Variants in SUPT3H observed in about 807,000 individuals in gnomAD.
The protein encoded by SUPT3H is transcription initiation protein SPT3 homolog.
In SUPT3H, 44 loss-of-function variants were observed where a neutral mutation model predicts 44.3. That is an observed-to-expected ratio of 0.99 (90% CI 0.78 to 1.28). The LOEUF is 1.28. Ranked by LOEUF, SUPT3H falls within the 50% of genes most tolerant of loss-of-function variation. The pLI is 0.00. For missense variants in SUPT3H, 380 were observed against 387.1 expected, an observed-to-expected ratio of 0.98 and a Z score of 0.15; for synonymous variants, 124 against 125.6, an observed-to-expected ratio of 0.99 and a Z score of 0.09.
chr6:45,327,709 T>C (rs1584929741), intron 2 of SUPT3H, among the ~76,000 whole-genome samples: 1 of 149,148 alleles, frequency 6.7e-6, no homozygotes, highest in African/African-American at 2.5e-5. Flanking sequence ...AGCAAGCAGT[T>C]TGCAACCAGA....
intron 2 of SUPT3H, among the ~76,000 whole-genome samples, chr6:45,114,982 TATTA>T (rs1404789157): frequency 1.3e-5 from 2 of 152,296 alleles, no homozygotes; most frequent in East Asian, 3.9e-4. Context: ...AATGAACATC[TATTA>T]AGCCTCCAAA....
intron 5 of SUPT3H, among the ~76,000 whole-genome samples, chr6:45,007,366 T>C (rs968263451): frequency 5.3e-5 from 8 of 152,122 alleles, no homozygotes; most frequent in Admixed American, 1.3e-4. Flanking sequence ...CTCCTACTTT[T>C]ACTTTCTGAA....
At chr6:44,929,962 G>A (rs1770278211) in intron 10 of SUPT3H, among the ~76,000 whole-genome samples, 2 of 152,042 alleles carry the variant, frequency 1.3e-5, no homozygotes, top group East Asian at 1.9e-4. Flanking sequence ...AAAAAGCATA[G>A]GTAGCCTGGG....
chr6:45,242,507 G>C (rs971481147), intron 2 of SUPT3H, among the ~76,000 whole-genome samples: 1 of 152,130 alleles, frequency 6.6e-6, no homozygotes, highest in African/African-American at 2.4e-5. Flanking sequence ...TATCAAGCTG[G>C]GAGACACTTA....
At chr6:45,218,302 T>C (rs1026674358) in intron 2 of SUPT3H, among the ~76,000 whole-genome samples, 5 of 152,098 alleles carry the variant, frequency 3.3e-5, no homozygotes. Flanking sequence ...TAGGAAGACA[T>C]AGGAATCCTG....
chr6:44,940,143 A>G (rs1419346907), intron 9 of SUPT3H, among the ~76,000 whole-genome samples: 1 of 151,866 alleles, frequency 6.6e-6, no homozygotes, highest in African/African-American at 2.4e-5. Context: ...ATAGGTCATC[A>G]ATTTGGGATC....
chr6:45,051,037 G>A (rs149379180), intron 3 of SUPT3H, among the ~76,000 whole-genome samples: 77 of 151,834 alleles, frequency 5.1e-4, no homozygotes, highest in African/African-American at 1.8e-3. Flanking sequence ...GGGGCCTGCC[G>A]CCATGCCCAG....
intron 2 of SUPT3H, among the ~76,000 whole-genome samples, chr6:45,308,109 G>A (rs1392556672): frequency 6.6e-6 from 1 of 152,090 alleles, no homozygotes; most frequent in East Asian, 1.9e-4. Flanking sequence ...ATGGGACTAT[G>A]TGAAAAGACC....
chr6:44,879,496 C>G (rs1777856439), intron 10 of SUPT3H, among the ~76,000 whole-genome samples: 1 of 152,210 alleles, frequency 6.6e-6, no homozygotes, highest in Non-Finnish European at 1.5e-5. Context: ...GATGTGGGCA[C>G]AGCTTCAGCA....
intron 2 of SUPT3H, among the ~76,000 whole-genome samples, chr6:45,171,716 T>TA (rs1338108060): frequency 4.6e-5 from 6 of 129,890 alleles, no homozygotes; most frequent in Admixed American, 3.1e-4. Flanking sequence ...CCACTTGCTT[T>TA]TTTTTTTTTT....
intron 2 of SUPT3H, among the ~76,000 whole-genome samples, chr6:45,335,515 T>C (rs1788371275): frequency 6.6e-6 from 1 of 151,306 alleles, no homozygotes; most frequent in African/African-American, 2.4e-5. Flanking sequence ...CTCATTAAAA[T>C]ACATTTTTTT....
intron 3 of SUPT3H, among the ~76,000 whole-genome samples, chr6:45,056,999 C>T (rs1791232339): frequency 6.6e-6 from 1 of 151,926 alleles, no homozygotes; most frequent in African/African-American, 2.4e-5. Flanking sequence ...GAGACAAAGG[C>T]TTTAAATAAG....
rs7745748 is a variant in SUPT3H, at chr6:45,150,245, T to C, written c.102-44239A>G. Among the ~76,000 whole-genome samples, 65 of 152,238 alleles carry C rather than the reference T, an allele frequency of 4.3e-4. 1 individual carries two copies. Among genetic ancestry groups the C allele is most frequent in the African/African-American group, 1.5e-3 (64 of 41,570 alleles). On this transcript the variant is annotated intron_variant, in intron 2 of 10. Coordinates refer to ENST00000371459, the MANE Select transcript of SUPT3H (RefSeq NM_003599.4). Reference sequence around the variant, plus strand: ...AAAAGTTCAAAGTTTTATTTGTTCCTTTTTTTACTAAAAATAGTAGCATTC... The same window carrying C: ...AAAAGTTCAAAGTTTTATTTGTTCCCTTTTTTACTAAAAATAGTAGCATTC...
rs542620844 is a variant in SUPT3H at position 44,970,748 on chromosome 6, G to A, written c.505-8920C>T. On this transcript the variant is annotated intron_variant, in intron 6 of 10. Coordinates refer to ENST00000371459, the MANE Select transcript of SUPT3H (RefSeq NM_003599.4). The stretch of plus-strand genomic sequence containing the variant: ...AGTACAGCAAGCATATAGGGATATG[G>A]TTAAATATTTTGGTCATTTTGGGTA... 1.8e-3 allele frequency among the ~76,000 whole-genome samples: 277 copies of A among 152,216 alleles called. 1 individual carries two copies. Among genetic ancestry groups the A allele is most frequent in the African/African-American group, 6.2e-3 (257 of 41,546 alleles).
At chr6:45,076,823 G>A (rs1369319483) in intron 3 of SUPT3H, among the ~76,000 whole-genome samples, 1 of 152,032 alleles carries the variant, frequency 6.6e-6, no homozygotes, top group Non-Finnish European at 1.5e-5. Context: ...TCCTAGCAGG[G>A]CCCCCTAGAA....
intron 2 of SUPT3H, among the ~76,000 whole-genome samples, chr6:45,303,976 CA>C (rs1241434882): frequency 1.0e-3 from 95 of 92,474 alleles, no homozygotes; most frequent in Middle Eastern, 7.7e-3. Context: ...GACTCTGTCT[CA>C]AAAAAAAAAA....
At chr6:45,155,749 A>G (rs1426601786) in intron 2 of SUPT3H, among the ~76,000 whole-genome samples, 2 of 152,050 alleles carry the variant, frequency 1.3e-5, no homozygotes, top group Admixed American at 1.3e-4. Flanking sequence ...AAATAAGGGG[A>G]AAAGGACTAA....
chr6:44,881,836 A>G (rs1582181227), intron 10 of SUPT3H, among the ~76,000 whole-genome samples: 1 of 152,220 alleles, frequency 6.6e-6, no homozygotes, highest in Non-Finnish European at 1.5e-5. Context: ...TTCGAAGCCA[A>G]TGAGAACTAA....
chr6:44,831,163 G>A (rs1768647408), intron 10 of SUPT3H, among the ~76,000 whole-genome samples: 1 of 152,066 alleles, frequency 6.6e-6, no homozygotes, highest in Non-Finnish European at 1.5e-5. Context: ...GTCAGGCTTT[G>A]GCGCCCTGGC....
Sources: allele counts gnomAD v4.1 joint callset (sites outside exome capture counted in the v4.1 genomes callset), GRCh38; gene constraint gnomAD v4.1.1; transcripts MANE v1.5; gene names NCBI Gene and HGNC (gene_info 2026-07-23, HGNC 2026-07-21).